CSMD1: variants seen among roughly 807,000 people sequenced by gnomAD.
The protein encoded by CSMD1 is CUB and sushi domain-containing protein 1.
In CSMD1, 213 loss-of-function variants were observed where a neutral mutation model predicts 417.5. The ratio of observed to expected loss-of-function variants is 0.51; its 90% CI spans 0.46 to 0.57. The LOEUF (loss-of-function observed/expected upper bound fraction) is 0.57, where lower values mean the gene tolerates loss of function less well. CSMD1 is among the 20% of genes least tolerant of loss of function. CSMD1 has a pLI of 0.00. For missense variants in CSMD1, 6,923 were observed against 4,529.7 expected (o/e 1.53, Z -15.17); for synonymous variants, 2,862 against 1,736.8 (o/e 1.65, Z -16.11).
chr8:2,956,925 T>A (rs1206373382), intron 63 of CSMD1, among the ~76,000 whole-genome samples: 2 of 152,126 alleles, frequency 1.3e-5, no homozygotes, highest in South Asian at 2.1e-4. Flanking sequence ...TATCAACATA[T>A]AATTTGAGTA....
At chr8:3,451,449 G>A (rs1020406553) in intron 12 of CSMD1, among the ~76,000 whole-genome samples, 8 of 152,162 alleles carry the variant, frequency 5.3e-5, no homozygotes, top group Admixed American at 2.6e-4. Context: ...ATGGTTTTAG[G>A]GCTAACATTT....
chr8:4,507,859 A>G (rs1864516), intron 2 of CSMD1, among the ~76,000 whole-genome samples: 17,223 of 152,152 alleles, frequency 0.11, 1,269 homozygotes, highest in Admixed American at 0.21. Flanking sequence ...AAAATTATAC[A>G]CTGGTCAATT....
At chr8:4,048,216 C>T (rs975033229) in intron 3 of CSMD1, among the ~76,000 whole-genome samples, 1 of 152,082 alleles carries the variant, frequency 6.6e-6, no homozygotes, top group Admixed American at 6.6e-5. Context: ...GAATAACATA[C>T]CGTTCTTTGT....
At chr8:3,405,077 T>G (rs13275230) in intron 15 of CSMD1, among the ~76,000 whole-genome samples, 79,804 of 152,072 alleles carry the variant, frequency 0.52, 21,197 homozygotes, top group Middle Eastern at 0.61. Context: ...TTTTATATAA[T>G]CAATAGTATG....
chr8:4,038,237 A>G (rs1797716027), intron 3 of CSMD1, among the ~76,000 whole-genome samples: 1 of 152,174 alleles, frequency 6.6e-6, no homozygotes, highest in African/African-American at 2.4e-5. Context: ...TTTAATGGGA[A>G]CAATGTGAAT....
chr8:3,953,498 G>C (rs1308360029), intron 5 of CSMD1, among the ~76,000 whole-genome samples: 2 of 152,108 alleles, frequency 1.3e-5, no homozygotes, highest in African/African-American at 4.8e-5. Flanking sequence ...CTGAGTTTGG[G>C]GGTTTCACTG....
chr8:3,293,286 A>G (rs955673180), intron 25 of CSMD1, among the ~76,000 whole-genome samples: 2 of 152,036 alleles, frequency 1.3e-5, no homozygotes, highest in Admixed American at 1.3e-4. Flanking sequence ...ACTTTGGTGA[A>G]TCTGACAATT....
At chr8:3,444,178 G>T (rs1252950693) in intron 12 of CSMD1, among the ~76,000 whole-genome samples, 1 of 152,108 alleles carries the variant, frequency 6.6e-6, no homozygotes, top group African/African-American at 2.4e-5. Flanking sequence ...TCATAATGTT[G>T]AAATATCATT....
chr8:3,420,630 G>T (rs77877110), intron 12 of CSMD1, among the ~76,000 whole-genome samples: 1,829 of 152,158 alleles, frequency 0.012, 11 homozygotes, highest in Middle Eastern at 0.034. Context: ...TTTGAAAAAA[G>T]AAATCAGTGT....
intron 1 of CSMD1, among the ~76,000 whole-genome samples, chr8:4,851,497 T>C (rs897836855): frequency 5.9e-5 from 9 of 152,094 alleles, no homozygotes; most frequent in African/African-American, 2.2e-4. Flanking sequence ...ATTTCATCCA[T>C]GGCGCTTCTC....
At chr8:4,168,570 C>G (rs12155600) in intron 3 of CSMD1, among the ~76,000 whole-genome samples, 64,629 of 151,760 alleles carry the variant, frequency 0.43, 14,427 homozygotes, top group East Asian at 0.61. Context: ...AGCAGAAGGA[C>G]AATAGACGGG....
At chr8:4,641,996 T>C (rs1182132065) in intron 1 of CSMD1, among the ~76,000 whole-genome samples, 1 of 152,196 alleles carries the variant, frequency 6.6e-6, no homozygotes, top group Non-Finnish European at 1.5e-5. Flanking sequence ...ATGCAAGATG[T>C]GAACAATTTG....
chr8:3,540,835 A>G (rs2117563180), intron 10 of CSMD1, among the ~76,000 whole-genome samples: 1 of 152,260 alleles, frequency 6.6e-6, no homozygotes, highest in Middle Eastern at 3.4e-3. Context: ...CAATGAGATC[A>G]TTTCATGCCA....
At position 4,083,862 on chromosome 8, in the gene CSMD1, G is replaced by A. The variant is rs1259965442; in HGVS notation, c.416-51763C>T. ...AAATGGGATCTAATTAAACTAAAGA[G>A]CTTCTGCACAGCAAAAGAAACTACC... is the stretch of plus-strand genomic sequence containing the variant. On this transcript the variant is annotated intron_variant, in intron 3 of 69. Coordinates refer to ENST00000635120, the MANE Select transcript of CSMD1 (RefSeq NM_033225.6). Among the ~76,000 whole-genome samples the A allele has an allele frequency of 3.9e-5, 6 of 152,232 alleles. No homozygotes were observed. In the East Asian group the frequency reaches 1.2e-3, roughly 29 times the overall value.
intron 3 of CSMD1, among the ~76,000 whole-genome samples, chr8:4,163,322 A>C (rs1229538403): frequency 6.6e-6 from 1 of 152,190 alleles, no homozygotes; most frequent in Non-Finnish European, 1.5e-5. Flanking sequence ...TGTCTTCCAA[A>C]GTGGCTGTTC....
chr8:4,965,957 T>C (rs1266398318), intron 1 of CSMD1, among the ~76,000 whole-genome samples: 1 of 152,174 alleles, frequency 6.6e-6, no homozygotes, highest in Non-Finnish European at 1.5e-5. Context: ...TGTGTGAGCA[T>C]AACTCAAGTT....
At chr8:4,089,152 G>T (rs547196445) in intron 3 of CSMD1, among the ~76,000 whole-genome samples, 15 of 152,250 alleles carry the variant, frequency 9.9e-5, no homozygotes, top group Admixed American at 3.3e-4. Context: ...ACATTGCTTG[G>T]CAAGACATTC....
At chr8:3,181,403 C>A (rs990123241) in intron 36 of CSMD1, among the ~76,000 whole-genome samples, 189 bp from the exon 37 acceptor site, 1 of 152,180 alleles carries the variant, frequency 6.6e-6, no homozygotes, top group African/African-American at 2.4e-5. Context: ...TAAAAAGTTA[C>A]CCATTGTCTG....
rs550682368 is a variant in CSMD1 at position 4,114,011 on chromosome 8, T to C, written c.416-81912A>G. 1.2e-4 allele frequency among the ~76,000 whole-genome samples: 18 copies of C among 152,312 alleles called. No individual in the cohort carries two copies. In the East Asian group the frequency reaches 2.9e-3, roughly 24 times the overall value. Reference sequence around the variant, plus strand: ...ATGTCAATGTAGAAGCTGCAGCACGTTCTCCAGAACATCTAAGATCATTGA... The same window carrying C: ...ATGTCAATGTAGAAGCTGCAGCACGCTCTCCAGAACATCTAAGATCATTGA... On this transcript the variant is annotated intron_variant, in intron 3 of 69. Transcript: ENST00000635120.
Sources: gnomAD v4.1 joint callset for allele counts (sites outside exome capture counted in the v4.1 genomes callset) on GRCh38, gnomAD v4.1.1 for gene constraint, MANE v1.5 for transcripts, NCBI Gene and HGNC (gene_info 2026-07-23, HGNC 2026-07-21) for gene names.